The following ARB2A variants were observed in gnomAD, a reference collection of about 807,000 sequenced individuals.
ARB2A encodes the protein cotranscriptional regulator ARB2A.
At chr5:93,808,063 T>G in the ARB2A span, among the ~76,000 whole-genome samples, 2 of 151,982 alleles carry the variant, frequency 1.3e-5, no homozygotes, top group African/African-American at 4.8e-5. Context: ...TAGAAGCACG[T>G]CCTGCAACCT....
At chr5:93,753,853 C>T in the ARB2A span, among the ~76,000 whole-genome samples, 1 of 152,110 alleles carries the variant, frequency 6.6e-6, no homozygotes, top group African/African-American at 2.4e-5. Context: ...TTTAGTGAAT[C>T]TAGGTTCAGG....
the ARB2A span, among the ~76,000 whole-genome samples, chr5:93,886,264 T>A: frequency 6.6e-6 from 1 of 151,792 alleles, no homozygotes; most frequent in East Asian, 1.9e-4. Context: ...CATATTAACC[T>A]GACAATACTG....
At chr5:93,621,108 G>C in the ARB2A span, 1 of 1,611,930 alleles carries the variant, frequency 6.2e-7, no homozygotes, top group Admixed American at 1.7e-5. Context: ...CTTCCAGGAA[G>C]TTAGCTCGTG....
At chr5:93,624,479 T>C in the ARB2A span, among the ~76,000 whole-genome samples, 1 of 152,322 alleles carries the variant, frequency 6.6e-6, no homozygotes, top group African/African-American at 2.4e-5. Flanking sequence ...TGGTATCATT[T>C]AGGAGTGGCA....
At chr5:94,045,734 A>T in the ARB2A span, among the ~76,000 whole-genome samples, 1 of 152,206 alleles carries the variant, frequency 6.6e-6, no homozygotes, top group Non-Finnish European at 1.5e-5. Flanking sequence ...AAAATTGCTT[A>T]AAAACATGTA....
chr5:94,041,913 C>T, the ARB2A span, among the ~76,000 whole-genome samples: 2 of 150,846 alleles, frequency 1.3e-5, no homozygotes, highest in African/African-American at 4.9e-5. Flanking sequence ...AATTAAAATC[C>T]TGAACTTACC....
the ARB2A span, among the ~76,000 whole-genome samples, chr5:93,857,538 A>C: frequency 6.6e-6 from 1 of 152,064 alleles, no homozygotes; most frequent in Admixed American, 6.5e-5. Flanking sequence ...TTGATCTCAG[A>C]CTGCTGGGCT....
chr5:94,054,482 G>T, the ARB2A span, among the ~76,000 whole-genome samples: 6 of 152,032 alleles, frequency 3.9e-5, no homozygotes, highest in Admixed American at 6.6e-5. Context: ...ATGATTTCTG[G>T]AAAGAATATC....
the ARB2A span, among the ~76,000 whole-genome samples, chr5:93,868,453 A>C: frequency 1.3e-5 from 2 of 152,212 alleles, no homozygotes; most frequent in African/African-American, 4.8e-5. Flanking sequence ...ATAAAGCCAC[A>C]GTGTGCATGC....
At chr5:93,852,787 G>A in the ARB2A span, among the ~76,000 whole-genome samples, 27 of 152,192 alleles carry the variant, frequency 1.8e-4, no homozygotes, top group Admixed American at 5.2e-4. Context: ...TTATTTCTGA[G>A]GGCTCTGTTC....
the ARB2A span, among the ~76,000 whole-genome samples, chr5:93,896,493 C>T: frequency 6.6e-6 from 1 of 151,976 alleles, no homozygotes; most frequent in Non-Finnish European, 1.5e-5. Context: ...ACTTGGGTCC[C>T]ATCCCCAAGA....
At chr5:93,820,969 T>C in the ARB2A span, among the ~76,000 whole-genome samples, 1 of 152,114 alleles carries the variant, frequency 6.6e-6, no homozygotes. Context: ...TGAGGTTAGA[T>C]CTAATCAAGT....
chr5:93,984,668 T>C, the ARB2A span, among the ~76,000 whole-genome samples: 1 of 152,192 alleles, frequency 6.6e-6, no homozygotes, highest in African/African-American at 2.4e-5. Flanking sequence ...TTTTAACATG[T>C]GTCATTCCAT....
At chr5:93,773,944 A>AT in the ARB2A span, among the ~76,000 whole-genome samples, 3 of 152,030 alleles carry the variant, frequency 2.0e-5, no homozygotes, top group Non-Finnish European at 4.4e-5. Context: ...ATATTAAAAA[A>AT]TTTTTTTTGG....
At chr5:93,666,851 T>G in the ARB2A span, among the ~76,000 whole-genome samples, 1 of 152,198 alleles carries the variant, frequency 6.6e-6, no homozygotes, top group African/African-American at 2.4e-5. Context: ...TAGATGCTCC[T>G]AACTATGTAC....
chr5:94,075,572 C>A, the ARB2A span, among the ~76,000 whole-genome samples: 5 of 152,018 alleles, frequency 3.3e-5, no homozygotes, highest in African/African-American at 4.8e-5. Flanking sequence ...TACATTTAAT[C>A]CATTAATCCA....
the ARB2A span, among the ~76,000 whole-genome samples, chr5:94,071,017 T>C: frequency 6.6e-6 from 1 of 152,096 alleles, no homozygotes; most frequent in African/African-American, 2.4e-5. Flanking sequence ...CGTACCATAT[T>C]ACCCAGCAGT....
chr5:93,890,828 C>T, the ARB2A span, among the ~76,000 whole-genome samples: 1 of 152,026 alleles, frequency 6.6e-6, no homozygotes. Context: ...TACACTGGTT[C>T]GTTTATTCCC....
At chr5:93,989,833 C>T in the ARB2A span, among the ~76,000 whole-genome samples, 15 of 152,220 alleles carry the variant, frequency 9.9e-5, no homozygotes, top group South Asian at 3.1e-3. Flanking sequence ...TGAACTCAGG[C>T]ACTCAGTATA....
Sources: allele counts gnomAD v4.1 joint callset (sites outside exome capture counted in the v4.1 genomes callset), GRCh38; gene constraint gnomAD v4.1.1; transcripts MANE v1.5; gene names NCBI Gene and HGNC (gene_info 2026-07-23, HGNC 2026-07-21).